The following CDC42EP3 variants were observed in gnomAD, a reference collection of about 807,000 sequenced individuals.
CDC42EP3 encodes CDC42 effector protein 3.
A neutral mutation model predicts 15.5 loss-of-function variants in CDC42EP3; 4 were observed. That is an observed-to-expected ratio of 0.26 (90% CI 0.13 to 0.59). The LOEUF (loss-of-function observed/expected upper bound fraction) is 0.59, where lower values mean the gene tolerates loss of function less well. CDC42EP3 is among the 20% of genes least tolerant of loss of function. The probability of loss-of-function intolerance (pLI) is 0.89; values close to 1 mark genes in which losing one functional copy is unlikely to be tolerated. For synonymous variants in CDC42EP3, 145 were observed against 130.3 expected (o/e 1.11, Z -0.77); for missense variants, 309 against 311.2 (o/e 0.99, Z 0.05).
At chr2:37,661,905 C>T (rs913640654) in intron 1 of CDC42EP3, among the ~76,000 whole-genome samples, 9 of 152,138 alleles carry the variant, frequency 5.9e-5, no homozygotes, top group South Asian at 4.1e-4. Flanking sequence ...AAAAAAAGTT[C>T]GACAGAGCTG....
At chr2:37,654,636 T>C (rs1665792222) in intron 1 of CDC42EP3, among the ~76,000 whole-genome samples, 1 of 151,854 alleles carries the variant, frequency 6.6e-6, no homozygotes, top group Non-Finnish European at 1.5e-5. Context: ...TGAAGGGAGG[T>C]GTTCACGTTC....
Position 37,642,246 on chromosome 2 carries a change from C to A in CDC42EP3, c.*3577G>T, listed in dbSNP as rs1665291879. On this transcript the variant is annotated 3_prime_UTR_variant, in exon 2 of 2. Coordinates refer to ENST00000295324, the MANE Select transcript of CDC42EP3 (RefSeq NM_006449.5). Reference sequence around the variant, plus strand: ...AGACCATCTCCTCCTTTAGGAAATACATGTATTGCTTAGCCAGTACCAATA... The same window carrying A: ...AGACCATCTCCTCCTTTAGGAAATAAATGTATTGCTTAGCCAGTACCAATA... 1 of 152,194 alleles carries A rather than the reference C, an allele frequency of 6.6e-6. No homozygotes were observed. The highest frequency in any genetic ancestry group is 2.1e-4 in the South Asian group (1 of 4,830). 9.4% of individuals were successfully genotyped at this position (152,194 alleles called of 1,614,324 possible). A position where few individuals can be genotyped will look rare whatever the true frequency, so the allele number is the denominator to read the frequency against.
rs746479020 is a variant in CDC42EP3 at position 37,642,722 on chromosome 2, T to C, written c.*3101A>G. ...TTTATCAAGTTAATTTATGGACTTATGGATTTTTTCCATTCCAGGACTTCA... is the reference window on the plus strand; with the variant it reads ...TTTATCAAGTTAATTTATGGACTTACGGATTTTTTCCATTCCAGGACTTCA... On this transcript the variant is annotated 3_prime_UTR_variant, in exon 2 of 2. Coordinates refer to ENST00000295324, the MANE Select transcript of CDC42EP3 (RefSeq NM_006449.5). 11 of 152,258 alleles carry C rather than the reference T, an allele frequency of 7.2e-5. No individual in the cohort carries two copies. Among genetic ancestry groups the C allele is most frequent in the East Asian group, 1.9e-4 (1 of 5,208 alleles). 9.4% of individuals were successfully genotyped at this position (152,258 alleles called of 1,614,324 possible).
intron 1 of CDC42EP3, among the ~76,000 whole-genome samples, chr2:37,666,304 G>A (rs1406537339): frequency 2.0e-5 from 3 of 152,170 alleles, no homozygotes; most frequent in African/African-American, 7.2e-5. Flanking sequence ...ATATACACTG[G>A]CTTTTTAAAT....
chr2:37,665,843 G>A (rs1666232256), intron 1 of CDC42EP3, among the ~76,000 whole-genome samples: 2 of 97,736 alleles, frequency 2.0e-5, no homozygotes, highest in East Asian at 6.6e-4. Flanking sequence ...ATGCTAATAG[G>A]TGCCACTGAT....
chr2:37,671,459 G>C lies in CDC42EP3; in HGVS notation c.-269C>G, dbSNP rs1666416902. On this transcript the variant is annotated 5_prime_UTR_variant, in exon 1 of 2. Transcript: ENST00000295324. ...GCTGAGGATCCCAGCCGCTGCCCCG[G>C]GCCTCCCGCGGGCGCACGCAATCCC... is the stretch of plus-strand genomic sequence containing the variant. 6.5e-6 allele frequency: 1 copy of C among 152,926 alleles called. No individual in the cohort carries two copies. The highest frequency in any genetic ancestry group is 2.4e-5 in the African/African-American group (1 of 41,466). The allele number at this position is 152,926 out of a possible 1,614,324, so 9.5% of individuals were successfully genotyped here.
intron 1 of CDC42EP3, among the ~76,000 whole-genome samples, chr2:37,648,018 T>C (rs535028458): frequency 1.3e-5 from 2 of 152,306 alleles, no homozygotes; most frequent in East Asian, 3.9e-4. Context: ...TGGTAAATGT[T>C]GTAAGCCCTC....
At chr2:37,668,278 G>A (rs961110939) in intron 1 of CDC42EP3, among the ~76,000 whole-genome samples, 1 of 152,108 alleles carries the variant, frequency 6.6e-6, no homozygotes, top group African/African-American at 2.4e-5. Flanking sequence ...GAATAGTTAT[G>A]AATATTACAT....
chr2:37,656,886 G>T (rs1264284250), intron 1 of CDC42EP3, among the ~76,000 whole-genome samples: 1 of 151,156 alleles, frequency 6.6e-6, no homozygotes, highest in Admixed American at 6.6e-5. Context: ...AACTCACTAG[G>T]ACTTTTCAGT....
At chr2:37,648,331 G>A (rs1056964291) in intron 1 of CDC42EP3, among the ~76,000 whole-genome samples, 2 of 152,244 alleles carry the variant, frequency 1.3e-5, no homozygotes, top group African/African-American at 4.8e-5. Flanking sequence ...GTTAGTTGGT[G>A]TTTTGAAGGG....
At chr2:37,649,736 A>AG (rs1017424410) in intron 1 of CDC42EP3, among the ~76,000 whole-genome samples, 3 of 152,100 alleles carry the variant, frequency 2.0e-5, no homozygotes, top group Non-Finnish European at 4.4e-5. Flanking sequence ...CACCAGCACC[A>AG]GGGGCCTCCA....
chr2:37,672,190 G>C (rs1206548159), upstream of CDC42EP3: 1 of 152,244 alleles, frequency 6.6e-6, no homozygotes, highest in Non-Finnish European at 1.5e-5. Flanking sequence ...CCCGGGCTCC[G>C]GTGGGCGCGG....
At chr2:37,650,738 G>A (rs1456848357) in intron 1 of CDC42EP3, among the ~76,000 whole-genome samples, 1 of 152,220 alleles carries the variant, frequency 6.6e-6, no homozygotes, top group Non-Finnish European at 1.5e-5. Flanking sequence ...TGAAAGGGGT[G>A]CATTCCAAAG....
intron 1 of CDC42EP3, among the ~76,000 whole-genome samples, chr2:37,667,025 T>C (rs1418055871): frequency 6.6e-6 from 1 of 152,164 alleles, no homozygotes; most frequent in Admixed American, 6.5e-5. Flanking sequence ...CAGAACCCTG[T>C]TTCCATCTGA....
rs1213648405 is a variant in CDC42EP3, at chr2:37,642,610, C to G, written c.*3213G>C. ...CATTCTATTGTGTTTATATATTTCACAGTAAAATGATTCAGTCTTGCCAGG... is the reference window on the plus strand; with the variant it reads ...CATTCTATTGTGTTTATATATTTCAGAGTAAAATGATTCAGTCTTGCCAGG... On this transcript the variant is annotated 3_prime_UTR_variant, in exon 2 of 2. Transcript: ENST00000295324. The G allele has an allele frequency of 6.6e-6, 1 of 152,162 alleles. No homozygotes were observed. Among genetic ancestry groups the G allele is most frequent in the African/African-American group, 2.4e-5 (1 of 41,428 alleles). The allele number at this position is 152,162 out of a possible 1,614,324, so 9.4% of individuals were successfully genotyped here.
At chr2:37,649,542 CA>C (rs1464014623) in intron 1 of CDC42EP3, among the ~76,000 whole-genome samples, 1 of 147,296 alleles carries the variant, frequency 6.8e-6, no homozygotes, top group African/African-American at 2.5e-5. Context: ...CATTCACATA[CA>C]CCCTTGAATT....
chr2:37,654,402 C>G (rs748463409), intron 1 of CDC42EP3, among the ~76,000 whole-genome samples: 7 of 152,096 alleles, frequency 4.6e-5, no homozygotes, highest in Non-Finnish European at 8.8e-5. Flanking sequence ...CTTAAGGGAT[C>G]TGAAGGATTC....
At chr2:37,666,112 C>T (rs972689025) in intron 1 of CDC42EP3, among the ~76,000 whole-genome samples, 4 of 152,156 alleles carry the variant, frequency 2.6e-5, no homozygotes, top group East Asian at 1.9e-4. Flanking sequence ...CTTCCTGTAA[C>T]GCCTGTGGTT....
At chr2:37,667,753 C>T (rs1360792537) in intron 1 of CDC42EP3, among the ~76,000 whole-genome samples, 2 of 152,220 alleles carry the variant, frequency 1.3e-5, no homozygotes, top group Non-Finnish European at 2.9e-5. Context: ...TTGCCAGAGG[C>T]CAAAAGTCAT....
Sources: allele counts gnomAD v4.1 joint callset (sites outside exome capture counted in the v4.1 genomes callset), GRCh38; gene constraint gnomAD v4.1.1; transcripts MANE v1.5; gene names NCBI Gene and HGNC (gene_info 2026-07-23, HGNC 2026-07-21).